KIF20B: variants seen among roughly 807,000 people sequenced by gnomAD.
The protein encoded by KIF20B is kinesin family member 20B.
Under a neutral mutation model 232.5 loss-of-function variants are expected in KIF20B, and 188 were observed. The ratio of observed to expected loss-of-function variants is 0.81; its 90% confidence interval spans 0.72 to 0.91. The LOEUF is 0.91. KIF20B is among the 40% of genes least tolerant of loss of function. The pLI is 0.00. For synonymous variants in KIF20B, 712 were observed against 683.0 expected (o/e 1.04, Z -0.66); for missense variants, 2,154 against 2,055.9 (o/e 1.05, Z -0.92).
intron 24 of KIF20B, 27 bp downstream of exon 24, chr10:89,751,498 T>C (rs766235600): frequency 6.4e-7 from 1 of 1,572,202 alleles, no homozygotes; most frequent in East Asian, 2.3e-5. Context: ...TACATTTCTC[T>C]AAATATACTT....
intron 1 of KIF20B, among the ~76,000 whole-genome samples, chr10:89,704,798 C>A (rs530827255): frequency 6.6e-6 from 1 of 152,152 alleles, no homozygotes; most frequent in Non-Finnish European, 1.5e-5. Context: ...GCCTCGTGAT[C>A]GACCCGCCTT....
At chr10:89,718,914 A>C in intron 12 of KIF20B, 42 bp downstream of exon 12, 1 of 1,227,256 alleles carries the variant, frequency 8.1e-7, no homozygotes, top group Non-Finnish European at 1.1e-6. Context: ...TTAGAATATT[A>C]ACAGTTTTTC....
intron 20 of KIF20B, among the ~76,000 whole-genome samples, 156 bp from the exon 21 acceptor site, chr10:89,738,802 A>T (rs1373588819): frequency 6.6e-6 from 1 of 152,156 alleles, no homozygotes; most frequent in African/African-American, 2.4e-5. Flanking sequence ...CAGCTTATAA[A>T]AATCATATGA....
intron 11 of KIF20B, 115 bp downstream of exon 11, chr10:89,717,837 C>G (rs1426215289): frequency 9.8e-5 from 62 of 630,472 alleles, no homozygotes; most frequent in Non-Finnish European, 1.6e-4. Context: ...TATGTAATGA[C>G]TGTGTATAGA....
intron 2 of KIF20B, among the ~76,000 whole-genome samples, chr10:89,707,573 T>C (rs1842750864): frequency 6.6e-6 from 1 of 151,590 alleles, no homozygotes; most frequent in Non-Finnish European, 1.5e-5. Flanking sequence ...TTCCCTTCCC[T>C]TTTACCTTTC....
intron 13 of KIF20B, 67 bp downstream of exon 13, chr10:89,719,773 G>GCT (rs554039801): frequency 1.2e-5 from 16 of 1,296,224 alleles, no homozygotes; most frequent in Non-Finnish European, 1.6e-5. Context: ...AAATCTTAAG[G>GCT]CTCTCTCTCT....
At position 89,768,819 on chromosome 10, in the gene KIF20B, A is replaced by T; in HGVS notation, c.5173A>T (p.Lys1725Ter). 6.2e-7 allele frequency: 1 copy of T among 1,610,454 alleles called. No individual in the cohort carries two copies. The highest frequency in any genetic ancestry group is 1.1e-5 in the South Asian group (1 of 90,356). ...AATTGGTGTAAACCTGGCCACTAAG[A>T]AAAAAGAAGGAACACTACAGAAATT... ...SIIGVNLATK[K>*]KEGTLQKFGD... Residue 1725 changes from lysine to a stop codon, truncating the protein, a stop_gained, in exon 31 of 33, where the codon AAA becomes TAA. Coordinates refer to ENST00000371728, the MANE Select transcript of KIF20B (RefSeq NM_001284259.2). LOFTEE classifies it high-confidence loss of function.
At position 89,767,513 on chromosome 10, in the gene KIF20B, T is replaced by G. The variant is rs1017640678; in HGVS notation, c.4990-777T>G. On this transcript the variant is annotated intron_variant, in intron 29 of 32. Coordinates refer to ENST00000371728, the MANE Select transcript of KIF20B (RefSeq NM_001284259.2). ...ACCCTTATAACTTCTGCTTTGTAAT[T>G]TGGATTCTGAGGTTCAGTCATGATC... 2.6e-5 allele frequency among the ~76,000 whole-genome samples: 4 copies of G among 151,994 alleles called. No individual in the cohort carries two copies. The East Asian group carries it at 5.8e-4, about 22-fold the overall frequency.
chr10:89,724,121 T>C lies in KIF20B; in HGVS notation c.1862+18T>C, dbSNP rs1843125277. The C allele has an allele frequency of 2.1e-6, 3 of 1,452,962 alleles. No homozygotes were observed. The African/African-American group carries it at 4.4e-5, about 21-fold the overall frequency. The allele number at this position is 1,452,962 out of a possible 1,614,324, so 90.0% of individuals were successfully genotyped here. A position where few individuals can be genotyped will look rare whatever the true frequency, so the allele number is the denominator to read the frequency against. ...GACTTTAAGTAAGTTATTTATTTCATGTCCAGGTAAAAATTGAGAATTTTA... is the reference window on the plus strand; with the variant it reads ...GACTTTAAGTAAGTTATTTATTTCACGTCCAGGTAAAAATTGAGAATTTTA... On this transcript the variant is annotated intron_variant, in intron 14 of 32. Transcript: ENST00000371728.
chr10:89,746,209 G>A (rs1015288209), intron 23 of KIF20B, among the ~76,000 whole-genome samples: 3 of 152,172 alleles, frequency 2.0e-5, no homozygotes, highest in Admixed American at 1.3e-4. Context: ...GTCCACAGGC[G>A]GCTTGTGTTA....
rs779479465 is a variant in KIF20B, at chr10:89,738,151, GAGA to G, written c.3313_3315del (p.Lys1105del). On this transcript the variant is annotated inframe_deletion, in exon 20 of 33. Transcript: ENST00000371728. Reference sequence around the variant, plus strand: ...TAAGGATGAAAACAATAGACTAAAGGAGAAGGAGCATAAAAACCAAGATGACCT... The same window carrying G: ...TAAGGATGAAAACAATAGACTAAAGGAGGAGCATAAAAACCAAGATGACCT... The G allele has an allele frequency of 7.5e-6, 12 of 1,609,528 alleles. No homozygotes were observed. Among genetic ancestry groups the G allele is most frequent in the Non-Finnish European group, 1.0e-5 (12 of 1,179,400 alleles).
intron 21 of KIF20B, among the ~76,000 whole-genome samples, chr10:89,741,782 G>A (rs1841800020): frequency 6.6e-6 from 1 of 152,164 alleles, no homozygotes; most frequent in South Asian, 2.1e-4. Flanking sequence ...TGGGTCAAAA[G>A]CTTGTGCCAT....
Position 89,762,695 on chromosome 10 carries a change from CGATTTCCA to C in KIF20B, c.4850_4857del (p.Arg1617GlnfsTer3). The C allele has an allele frequency of 6.2e-7, 1 of 1,613,574 alleles. No individual in the cohort carries two copies. Among genetic ancestry groups the C allele is most frequent in the Non-Finnish European group, 8.5e-7 (1 of 1,179,724 alleles). On this transcript the variant is annotated frameshift_variant, in exon 29 of 33. Transcript: ENST00000371728. LOFTEE classifies it high-confidence loss of function. The stretch of plus-strand genomic sequence containing the variant: ...GTCAACAGAAAATGATCAAAGCACT[CGATTTCCA>C]AAACCTGAGTTAGAGATTCAATTTA...
chr10:89,732,804 A>G, intron 18 of KIF20B, 99 bp from the exon 19 acceptor site: 1 of 1,093,064 alleles, frequency 9.1e-7, no homozygotes, highest in Non-Finnish European at 1.2e-6. Flanking sequence ...AAATTTGAAA[A>G]TAAAATTTTT....
At chr10:89,716,827 G>A (rs531222466) in intron 9 of KIF20B, among the ~76,000 whole-genome samples, 2 of 152,062 alleles carry the variant, frequency 1.3e-5, no homozygotes, top group South Asian at 2.1e-4. Flanking sequence ...TGGTAATAAT[G>A]GTGGCCTTTT....
At chr10:89,760,761 G>C (rs1842223172) in intron 28 of KIF20B, 125 bp downstream of exon 28, 2 of 577,026 alleles carry the variant, frequency 3.5e-6, no homozygotes, top group Non-Finnish European at 6.1e-6. Context: ...TGGGCTGTGT[G>C]AAAGAAACTA....
At chr10:89,739,870 A>G (rs1301887250) in intron 21 of KIF20B, among the ~76,000 whole-genome samples, 1 of 152,146 alleles carries the variant, frequency 6.6e-6, no homozygotes, top group Non-Finnish European at 1.5e-5. Flanking sequence ...TTTTCACATC[A>G]TATTTCTGAG....
intron 24 of KIF20B, among the ~76,000 whole-genome samples, chr10:89,751,799 C>T (rs1036725572): frequency 2.6e-5 from 4 of 151,938 alleles, no homozygotes; most frequent in Admixed American, 6.6e-5. Context: ...TTAGCATTAT[C>T]TTGTATGTTG....
intron 17 of KIF20B, among the ~76,000 whole-genome samples, chr10:89,728,290 A>G (rs1028961018): frequency 6.6e-6 from 1 of 152,180 alleles, no homozygotes; most frequent in African/African-American, 2.4e-5. Context: ...ACCTTAAGCT[A>G]TATAAATAGA....
Sources: allele counts gnomAD v4.1 joint callset (sites outside exome capture counted in the v4.1 genomes callset), GRCh38; gene constraint gnomAD v4.1.1; transcripts MANE v1.5; gene names NCBI Gene and HGNC (gene_info 2026-07-23, HGNC 2026-07-21).